CNTN4: variants seen among roughly 807,000 people sequenced by gnomAD.
CNTN4 encodes the protein contactin-4.
CNTN4 carries 77 observed loss-of-function variants against 122.5 expected under a neutral mutation model. That is an observed-to-expected ratio of 0.63 (90% CI 0.52 to 0.76). The LOEUF is 0.76. Among genes scored for constraint, CNTN4 ranks in the 30% least tolerant of loss-of-function variants. The pLI, the probability that CNTN4 is intolerant of heterozygous loss-of-function variation, is 0.00. For synonymous variants in CNTN4, 512 were observed against 447.0 expected (o/e 1.15, Z -1.83); for missense variants, 1,256 against 1,259.1 (o/e 1.00, Z 0.04).
intron 3 of CNTN4, among the ~76,000 whole-genome samples, chr3:2,561,833 A>C (rs2728011): frequency 0.78 from 118,291 of 152,022 alleles, 46,293 homozygotes; most frequent in East Asian, 0.94. Flanking sequence ...ATTTTACTTG[A>C]AACCTGTATT....
chr3:2,499,389 C>T (rs939540895), intron 3 of CNTN4, among the ~76,000 whole-genome samples: 6 of 152,046 alleles, frequency 3.9e-5, no homozygotes, highest in Non-Finnish European at 8.8e-5. Flanking sequence ...GAAAATATTC[C>T]TGATTAAATA....
chr3:2,564,815 C>T lies in CNTN4; in HGVS notation c.-88-6601C>T, dbSNP rs78014418. Among the ~76,000 whole-genome samples the T allele has an allele frequency of 5.9e-3, 901 of 152,010 alleles. 11 individuals carry two copies. The highest frequency in any genetic ancestry group is 0.02 in the African/African-American group (841 of 41,514). ...AGGGGAAAGTATATTTTGAGAAATCCGTAGTGGGTTTATACTTTAAGAAAT... is the reference window on the plus strand; with the variant it reads ...AGGGGAAAGTATATTTTGAGAAATCTGTAGTGGGTTTATACTTTAAGAAAT... On this transcript the variant is annotated intron_variant, in intron 3 of 24. Coordinates refer to ENST00000418658, the MANE Select transcript of CNTN4 (RefSeq NM_175607.3).
intron 13 of CNTN4, among the ~76,000 whole-genome samples, chr3:2,984,529 G>A (rs912057891): frequency 4.6e-5 from 7 of 152,154 alleles, no homozygotes; most frequent in African/African-American, 1.7e-4. Context: ...GCCAAGGTTG[G>A]GAAACTCTGT....
chr3:2,140,621 C>T (rs1451813569), intron 2 of CNTN4, among the ~76,000 whole-genome samples: 1 of 152,088 alleles, frequency 6.6e-6, no homozygotes, highest in Non-Finnish European at 1.5e-5. Context: ...TCCCCCAAAG[C>T]CCCAACTCCT....
chr3:2,545,338 G>A (rs964358025), intron 3 of CNTN4, among the ~76,000 whole-genome samples: 1 of 152,048 alleles, frequency 6.6e-6, no homozygotes, highest in African/African-American at 2.4e-5. Flanking sequence ...GTACTCTGTT[G>A]TTTTGGGTTG....
intron 7 of CNTN4, among the ~76,000 whole-genome samples, chr3:2,822,717 T>C (rs568232366): frequency 6.6e-5 from 10 of 152,292 alleles, no homozygotes; most frequent in African/African-American, 1.4e-4. Context: ...AGTGATGCTG[T>C]GCTGCTACGC....
rs78443801 is a variant in CNTN4 at position 2,699,166 on chromosome 3, T to C, written c.56-37049T>C. The stretch of plus-strand genomic sequence containing the variant: ...GTCACCAAATCTAATCACTCAGCCC[T>C]AAAATACACCCTCAGGGTATAACTT... On this transcript the variant is annotated intron_variant, in intron 4 of 24. Coordinates refer to ENST00000418658, the MANE Select transcript of CNTN4 (RefSeq NM_175607.3). 8.3e-3 allele frequency among the ~76,000 whole-genome samples: 1,268 copies of C among 152,316 alleles called. 13 individuals carry two copies. The highest frequency in any genetic ancestry group is 0.028 in the African/African-American group (1,173 of 41,558).
In CNTN4 at chr3:2,464,546, A is replaced by G. The variant is rs566683908; in HGVS notation, c.-88-106870A>G. Among the ~76,000 whole-genome samples, 67 of 152,352 alleles carry G rather than the reference A, an allele frequency of 4.4e-4. 1 individual carries two copies. The highest frequency in any genetic ancestry group is 9.1e-4 in the Admixed American group (14 of 15,306). On this transcript the variant is annotated intron_variant, in intron 3 of 24. Coordinates refer to ENST00000418658, the MANE Select transcript of CNTN4 (RefSeq NM_175607.3). ...GAGGAAGAGGAGTGACTAAAGAGAA[A>G]GCTACATGTAGTCAAGTGTTGTTTA...
chr3:2,376,341 C>T (rs568573391), intron 3 of CNTN4, among the ~76,000 whole-genome samples: 8 of 152,206 alleles, frequency 5.3e-5, no homozygotes, highest in South Asian at 2.1e-4. Flanking sequence ...AGTAAGTGCA[C>T]AATAAATATT....
rs545429960 is a variant in CNTN4, at chr3:2,815,584, T to C, written c.359-3902T>C. ...AAGAATGGCCATAATCAAAAAACAG[T>C]AGATGTTGGTGTAGATGCAGTAAAC... On this transcript the variant is annotated intron_variant, in intron 6 of 24. Transcript: ENST00000418658. Among the ~76,000 whole-genome samples the C allele has an allele frequency of 2.6e-5, 4 of 151,980 alleles. No individual in the cohort carries two copies. In the South Asian group the frequency reaches 8.3e-4, roughly 32 times the overall value.
At chr3:2,820,938 C>T (rs1278551971) in intron 7 of CNTN4, among the ~76,000 whole-genome samples, 1 of 142,078 alleles carries the variant, frequency 7.0e-6, no homozygotes, top group Non-Finnish European at 1.5e-5. Context: ...TATTCTTTTT[C>T]TCACATGCAA....
chr3:2,536,275 C>T (rs982419930), intron 3 of CNTN4, among the ~76,000 whole-genome samples: 2 of 152,158 alleles, frequency 1.3e-5, no homozygotes, highest in Non-Finnish European at 2.9e-5. Context: ...GGAAAGTTTA[C>T]TCAAATGCAT....
intron 2 of CNTN4, among the ~76,000 whole-genome samples, chr3:2,252,596 A>G (rs577505701): frequency 6.6e-6 from 1 of 152,200 alleles, no homozygotes; most frequent in East Asian, 1.9e-4. Flanking sequence ...TTGATTTTGC[A>G]GGTTAGTTTG....
intron 3 of CNTN4, among the ~76,000 whole-genome samples, chr3:2,514,881 CTCTT>C (rs766015990): frequency 6.6e-6 from 1 of 151,846 alleles, no homozygotes; most frequent in African/African-American, 2.4e-5. Flanking sequence ...TCTTTCATTT[CTCTT>C]TCTTTCTTCC....
chr3:2,633,366 T>C (rs985870042), intron 4 of CNTN4, among the ~76,000 whole-genome samples: 1 of 152,200 alleles, frequency 6.6e-6, no homozygotes, highest in Admixed American at 6.5e-5. Flanking sequence ...CACACTTCAT[T>C]AGTTACATTC....
At chr3:2,225,099 C>G (rs534314313) in intron 2 of CNTN4, among the ~76,000 whole-genome samples, 1 of 150,024 alleles carries the variant, frequency 6.7e-6, no homozygotes, top group Non-Finnish European at 1.5e-5. Flanking sequence ...GCAAGTGAGC[C>G]GAGATCGCAC....
At chr3:2,518,668 A>G (rs2077109793) in intron 3 of CNTN4, among the ~76,000 whole-genome samples, 1 of 152,148 alleles carries the variant, frequency 6.6e-6, no homozygotes, top group Non-Finnish European at 1.5e-5. Context: ...AATAAAACAT[A>G]TAGTTTTACA....
rs191687151 is a variant in CNTN4 at position 2,777,572 on chromosome 3, C to G, written c.358+31875C>G. Among the ~76,000 whole-genome samples, 95 of 152,300 alleles carry G rather than the reference C, an allele frequency of 6.2e-4. 1 individual carries two copies. The highest frequency in any genetic ancestry group is 4.8e-3 in the Admixed American group (74 of 15,308). The stretch of plus-strand genomic sequence containing the variant: ...ATCAAGGCACCAGATCCTCCAGTTA[C>G]TATAAACTGAGTCACCTTAAAAGTA... On this transcript the variant is annotated intron_variant, in intron 6 of 24. Coordinates refer to ENST00000418658, the MANE Select transcript of CNTN4 (RefSeq NM_175607.3).
intron 3 of CNTN4, among the ~76,000 whole-genome samples, chr3:2,375,164 A>G (rs1174635727): frequency 6.6e-6 from 1 of 152,232 alleles, no homozygotes; most frequent in Non-Finnish European, 1.5e-5. Flanking sequence ...GTGTCTCTAA[A>G]TATATGGCAT....
Sources: gnomAD v4.1 joint callset for allele counts (sites outside exome capture counted in the v4.1 genomes callset) on GRCh38, gnomAD v4.1.1 for gene constraint, MANE v1.5 for transcripts, NCBI Gene and HGNC (gene_info 2026-07-23, HGNC 2026-07-21) for gene names.